Variants in MSH3 observed in about 807,000 individuals in gnomAD.
MSH3 encodes the protein mutS homolog 3.
Under a neutral mutation model 123.3 loss-of-function variants are expected in MSH3, and 106 were observed. That is an observed-to-expected ratio of 0.86 (90% CI 0.73 to 1.01). The LOEUF (loss-of-function observed/expected upper bound fraction) is 1.01. Ranked by LOEUF, MSH3 falls within the 50% of genes least tolerant of loss-of-function variation. MSH3 has a pLI of 0.00. For synonymous variants in MSH3, 515 were observed against 481.4 expected (o/e 1.07, Z -0.91); for missense variants, 1,459 against 1,347.6 (o/e 1.08, Z -1.29).
chr5:80,767,090 G>C (rs747300042), intron 13 of MSH3, among the ~76,000 whole-genome samples: 1 of 151,988 alleles, frequency 6.6e-6, no homozygotes, highest in Non-Finnish European at 1.5e-5. Context: ...TAGCTGTTTC[G>C]TAGTACTACA....
intron 8 of MSH3, among the ~76,000 whole-genome samples, chr5:80,686,413 G>T (rs767997991): frequency 1.6e-4 from 24 of 150,820 alleles, no homozygotes; most frequent in Non-Finnish European, 3.4e-4. Context: ...AGCGATTCTC[G>T]TGCCTCAGCC....
rs377371582 is a variant in MSH3, at chr5:80,807,679, C to G, written c.2656-5905C>G. On this transcript the variant is annotated intron_variant, in intron 19 of 23. Transcript: ENST00000265081. ...TTTACTTGACAATCATTTGTATTCACTCATTTTCCAACCCACTTATTCCAT... is the reference window on the plus strand; with the variant it reads ...TTTACTTGACAATCATTTGTATTCAGTCATTTTCCAACCCACTTATTCCAT... Among the ~76,000 whole-genome samples the G allele has an allele frequency of 1.2e-3, 177 of 152,320 alleles. 6 individuals are homozygous for G. In the South Asian group the frequency reaches 0.036, roughly 31 times the overall value.
chr5:80,785,889 G>A (rs1744497556), intron 17 of MSH3, among the ~76,000 whole-genome samples: 2 of 146,278 alleles, frequency 1.4e-5, no homozygotes, highest in African/African-American at 5.1e-5. Context: ...ACTATCACAA[G>A]AACAAAAAAC....
intron 19 of MSH3, among the ~76,000 whole-genome samples, chr5:80,800,324 C>A (rs745376964): frequency 6.6e-6 from 1 of 152,126 alleles, no homozygotes; most frequent in Non-Finnish European, 1.5e-5. Context: ...TGGTGCTAGC[C>A]CAGCTTTGGG....
intron 20 of MSH3, among the ~76,000 whole-genome samples, chr5:80,817,987 A>G (rs2057593379): frequency 6.6e-6 from 1 of 152,180 alleles, no homozygotes; most frequent in Non-Finnish European, 1.5e-5. Flanking sequence ...AGGTGGGTGG[A>G]TCACCTGAGG....
In MSH3 at chr5:80,784,227, AAAAAAAAAAAAAG is replaced by A. The variant is rs1311808708; in HGVS notation, c.2436-3337_2436-3325del. On this transcript the variant is annotated intron_variant, in intron 17 of 23. Coordinates refer to ENST00000265081, the MANE Select transcript of MSH3 (RefSeq NM_002439.5). ...TACTACGTCGCAAAAAAAAAAAAAA[AAAAAAAAAAAAAG>A]GGAAATAAATAAATAAATAAATAAA... Among the ~76,000 whole-genome samples the A allele has an allele frequency of 7.8e-3, 1,092 of 140,484 alleles. 88 individuals are homozygous for A. Among genetic ancestry groups the A allele is most frequent in the African/African-American group, 0.029 (1,038 of 36,142 alleles). The allele number at this position is 140,484 out of a possible 152,430, so 92.2% of individuals were successfully genotyped here. A position where few individuals can be genotyped will look rare whatever the true frequency, so the allele number is the denominator to read the frequency against.
At chr5:80,846,396 G>A (rs557681561) in intron 20 of MSH3, among the ~76,000 whole-genome samples, 24 of 152,130 alleles carry the variant, frequency 1.6e-4, no homozygotes, top group African/African-American at 2.7e-4. Context: ...GTCCCTTCTC[G>A]GAGGTCGAAT....
intron 21 of MSH3, among the ~76,000 whole-genome samples, chr5:80,859,172 G>T (rs1223784942): frequency 6.6e-6 from 1 of 152,076 alleles, no homozygotes; most frequent in African/African-American, 2.4e-5. Flanking sequence ...CCAGGCTGGA[G>T]TGCAGTGGTA....
At chr5:80,815,570 A>T (rs1007029670) in intron 20 of MSH3, among the ~76,000 whole-genome samples, 1 of 152,190 alleles carries the variant, frequency 6.6e-6, no homozygotes, top group Non-Finnish European at 1.5e-5. Context: ...CTGCCATTTC[A>T]CTGGCCTTTC....
chr5:80,809,239 G>A (rs1279295852), intron 19 of MSH3, among the ~76,000 whole-genome samples: 1 of 152,086 alleles, frequency 6.6e-6, no homozygotes, highest in Non-Finnish European at 1.5e-5. Flanking sequence ...ATGAGAAAAT[G>A]AAATGTATTT....
At chr5:80,664,683 C>T (rs1201252345) in intron 2 of MSH3, among the ~76,000 whole-genome samples, 1 of 152,154 alleles carries the variant, frequency 6.6e-6, no homozygotes, top group Non-Finnish European at 1.5e-5. Context: ...TCCAGAGCTA[C>T]TGGTACTCTA....
At chr5:80,698,593 T>C (rs1174830055) in intron 8 of MSH3, among the ~76,000 whole-genome samples, 1 of 152,164 alleles carries the variant, frequency 6.6e-6, no homozygotes, top group Non-Finnish European at 1.5e-5. Flanking sequence ...CTAGTTTGGC[T>C]GGGTTACTCT....
chr5:80,762,819 TG>T (rs1561469616), intron 13 of MSH3, among the ~76,000 whole-genome samples: 31 of 149,390 alleles, frequency 2.1e-4, no homozygotes, highest in South Asian at 1.1e-3. Context: ...TGTTATGTTA[TG>T]TTATGTTATG....
intron 21 of MSH3, among the ~76,000 whole-genome samples, chr5:80,859,736 T>G (rs245349): frequency 0.04 from 6,052 of 150,688 alleles, 171 homozygotes; most frequent in Non-Finnish European, 0.064. Context: ...TTGTTTTTTG[T>G]TTTTTGGTTT....
In MSH3 at chr5:80,767,990, T is replaced by A; in HGVS notation, c.1954T>A (p.Phe652Ile). Residue 652 changes from phenylalanine to isoleucine, a missense_variant, in exon 14 of 24, where the codon TTT (phenylalanine) becomes ATT (isoleucine). Phe to Ile is a conservative substitution (Grantham distance 21, BLOSUM62 0). Coordinates refer to ENST00000265081, the MANE Select transcript of MSH3 (RefSeq NM_002439.5). ...AACTTTATATCACCTAAAGTCAGAA[T>A]TTCAAGCAATAATACCTGCTGTTAA... ...VKTLYHLKSE[F>I]QAIIPAVNSH... 1 of 1,613,632 alleles carries A rather than the reference T, an allele frequency of 6.2e-7. No individual in the cohort carries two copies. Among genetic ancestry groups the A allele is most frequent in the Non-Finnish European group, 8.5e-7 (1 of 1,179,610 alleles).
chr5:80,691,913 GTATATGTTTATATAGATAAACATGTA>G (rs1750270517), intron 8 of MSH3, among the ~76,000 whole-genome samples: 4 of 127,030 alleles, frequency 3.1e-5, no homozygotes, highest in African/African-American at 1.2e-4. Flanking sequence ...AGATAAACAT[GTATATGTTTATATAGATAAACATGTA>G]TATGTTTATA....
chr5:80,724,489 A>T (rs1367813776), intron 8 of MSH3, among the ~76,000 whole-genome samples: 1 of 152,184 alleles, frequency 6.6e-6, no homozygotes, highest in Admixed American at 6.5e-5. Flanking sequence ...CAGTCATGGG[A>T]GTGAGATGAT....
At chr5:80,853,952 A>T (rs556297011) in intron 20 of MSH3, among the ~76,000 whole-genome samples, 178 bp from the exon 21 acceptor site, 34 of 152,340 alleles carry the variant, frequency 2.2e-4, no homozygotes, top group African/African-American at 7.0e-4. Context: ...GTACAGTATG[A>T]TGTTAGACAC....
rs193297440 is a variant in MSH3, at chr5:80,784,436, A to G, written c.2436-3129A>G. Among the ~76,000 whole-genome samples the G allele has an allele frequency of 1.2e-3, 189 of 151,960 alleles. 2 individuals are homozygous for G. Among genetic ancestry groups the G allele is most frequent in the African/African-American group, 4.4e-3 (184 of 41,448 alleles). On this transcript the variant is annotated intron_variant, in intron 17 of 23. Coordinates refer to ENST00000265081, the MANE Select transcript of MSH3 (RefSeq NM_002439.5). ...TTTTATTAAATGTTTGTGGGTATATAGTAGGTGTATATATTTATGGGGTAC... is the reference window on the plus strand; with the variant it reads ...TTTTATTAAATGTTTGTGGGTATATGGTAGGTGTATATATTTATGGGGTAC...
Sources: allele counts gnomAD v4.1 joint callset (sites outside exome capture counted in the v4.1 genomes callset), GRCh38; gene constraint gnomAD v4.1.1; transcripts MANE v1.5; gene names NCBI Gene and HGNC (gene_info 2026-07-23, HGNC 2026-07-21).